The following TRAPPC13 variants were observed in gnomAD, a reference collection of about 807,000 sequenced individuals.
TRAPPC13 encodes the protein REV7-interacting novel NHEJ regulator 1.
TRAPPC13 carries 39 observed loss-of-function variants against 54.0 expected under a neutral mutation model. The ratio of observed to expected loss-of-function variants is 0.72; its 90% CI spans 0.56 to 0.94. The LOEUF is 0.94. Ranked by LOEUF, TRAPPC13 falls within the 40% of genes least tolerant of loss-of-function variation. The pLI, the probability that TRAPPC13 is intolerant of heterozygous loss-of-function variation, is 0.00. For synonymous variants in TRAPPC13, 148 were observed against 167.7 expected (o/e 0.88, Z 0.91); for missense variants, 386 against 488.1 (o/e 0.79, Z 1.97).
intron 1 of TRAPPC13, chr5:65,630,579 G>A: frequency 8.6e-7 from 1 of 1,158,070 alleles, no homozygotes; most frequent in Non-Finnish European, 1.1e-6. Context: ...TACAAACTGT[G>A]ATTGAATTAG....
At chr5:65,627,493 G>A (rs1755297867) in intron 1 of TRAPPC13, among the ~76,000 whole-genome samples, 1 of 152,058 alleles carries the variant, frequency 6.6e-6, no homozygotes, top group Non-Finnish European at 1.5e-5. Context: ...AGCCAGGCGT[G>A]ATGGTGTGCA....
intron 1 of TRAPPC13, among the ~76,000 whole-genome samples, chr5:65,633,806 CTA>C (rs1755637326): frequency 2.0e-5 from 3 of 151,296 alleles, no homozygotes; most frequent in African/African-American, 7.3e-5. Context: ...TAATTTTTGT[CTA>C]TTTATATTTA....
At chr5:65,662,206 A>G in intron 11 of TRAPPC13, 56 bp downstream of exon 11, 2 of 1,265,944 alleles carry the variant, frequency 1.6e-6, no homozygotes, top group Admixed American at 2.6e-5. Context: ...CTAGAAGATA[A>G]TTTTAAAATC....
At chr5:65,641,144 A>C (rs1322534289) in intron 4 of TRAPPC13, among the ~76,000 whole-genome samples, 2 of 151,976 alleles carry the variant, frequency 1.3e-5, no homozygotes, top group Non-Finnish European at 2.9e-5. Flanking sequence ...ATGTTGCTCA[A>C]GCAGGTCTTG....
chr5:65,647,126 G>A lies in TRAPPC13; in HGVS notation c.372G>A (p.Pro124=), dbSNP rs75250458. 1.3e-6 allele frequency: 2 copies of A among 1,573,268 alleles called. No homozygotes were observed. Among genetic ancestry groups the A allele is most frequent in the Admixed American group, 1.9e-5 (1 of 53,734 alleles). Residue 124 remains proline, a synonymous_variant, in exon 5 of 13, where the codon CCG becomes CCA. Transcript: ENST00000399438. ...ASNAAVAELK[P]DCCIDDVIHH... Reference sequence around the variant, plus strand: ...ATGCTGCAGTGGCTGAACTTAAACCGGATTGTTGTATTGATGATGTCATAC... The same window carrying A: ...ATGCTGCAGTGGCTGAACTTAAACCAGATTGTTGTATTGATGATGTCATAC...
At chr5:65,645,042 CA>C (rs1381173262) in intron 4 of TRAPPC13, among the ~76,000 whole-genome samples, 1 of 151,138 alleles carries the variant, frequency 6.6e-6, no homozygotes, top group African/African-American at 2.4e-5. Flanking sequence ...ACTAAAAATA[CA>C]AAAAATTAGC....
intron 2 of TRAPPC13, among the ~76,000 whole-genome samples, chr5:65,635,583 G>A (rs1211872729): frequency 6.6e-6 from 1 of 152,186 alleles, no homozygotes; most frequent in Non-Finnish European, 1.5e-5. Context: ...TCCTATGGCA[G>A]TATGAGACAG....
intron 6 of TRAPPC13, among the ~76,000 whole-genome samples, chr5:65,651,503 G>A (rs1227454536): frequency 6.6e-6 from 1 of 152,156 alleles, no homozygotes; most frequent in Admixed American, 6.5e-5. Context: ...GAAATTTAAA[G>A]GAGAGACAAT....
chr5:65,648,283 C>T (rs1478847609), intron 5 of TRAPPC13, among the ~76,000 whole-genome samples: 1 of 152,172 alleles, frequency 6.6e-6, no homozygotes, highest in African/African-American at 2.4e-5. Context: ...AGCACTACTT[C>T]CTCAAGAAGT....
chr5:65,654,653 A>G (rs921305464), intron 7 of TRAPPC13, among the ~76,000 whole-genome samples: 1 of 152,198 alleles, frequency 6.6e-6, no homozygotes, highest in African/African-American at 2.4e-5. Flanking sequence ...GTCCTTTTAC[A>G]GTTAATATTA....
At chr5:65,652,342 T>TTC (rs201769284) in intron 6 of TRAPPC13, among the ~76,000 whole-genome samples, 159 bp from the exon 7 acceptor site, 36,884 of 143,252 alleles carry the variant, frequency 0.26, 5,188 homozygotes, top group South Asian at 0.33. Flanking sequence ...TTCTTTTCTT[T>TTC]TTTTTTTTTT....
chr5:65,634,736 C>CAA (rs34033405), intron 1 of TRAPPC13, among the ~76,000 whole-genome samples: 12 of 96,274 alleles, frequency 1.2e-4, no homozygotes, highest in African/African-American at 3.4e-4. Context: ...ACTAAAAATA[C>CAA]AAAAAAAAAA....
chr5:65,662,731 T>G (rs1471893566), intron 11 of TRAPPC13: 1 of 152,170 alleles, frequency 6.6e-6, no homozygotes, highest in Non-Finnish European at 1.5e-5. Flanking sequence ...TTTGGGGTAT[T>G]TTTATAATAT....
intron 1 of TRAPPC13, chr5:65,629,830 A>C (rs562301345): frequency 1.3e-6 from 2 of 1,536,106 alleles, no homozygotes; most frequent in South Asian, 2.4e-5. Flanking sequence ...ATGCTAAGTC[A>C]CACAGTTATG....
intron 1 of TRAPPC13, chr5:65,629,902 A>T: frequency 1.3e-6 from 2 of 1,536,068 alleles, no homozygotes; most frequent in Non-Finnish European, 1.7e-6. Flanking sequence ...TAACCTGGTC[A>T]CACACACTGA....
chr5:65,642,468 A>G (rs1207327744), intron 4 of TRAPPC13, among the ~76,000 whole-genome samples: 2 of 151,876 alleles, frequency 1.3e-5, no homozygotes, highest in African/African-American at 2.4e-5. Flanking sequence ...CTTATATCCC[A>G]TATGTTTCTA....
intron 1 of TRAPPC13, chr5:65,629,529 C>T: frequency 6.8e-7 from 1 of 1,466,678 alleles, no homozygotes; most frequent in Non-Finnish European, 9.0e-7. Context: ...AACATTCTAG[C>T]TCTGAGGAGT....
intron 9 of TRAPPC13, among the ~76,000 whole-genome samples, 164 bp downstream of exon 9, chr5:65,658,665 A>G (rs908335893): frequency 2.8e-5 from 4 of 144,262 alleles, no homozygotes; most frequent in Non-Finnish European, 4.6e-5. Flanking sequence ...ACCCTCTTCC[A>G]CTCCTCACAG....
chr5:65,628,019 G>A (rs1403840173), intron 1 of TRAPPC13, among the ~76,000 whole-genome samples: 1 of 152,146 alleles, frequency 6.6e-6, no homozygotes, highest in Non-Finnish European at 1.5e-5. Flanking sequence ...GGGGAGAAGG[G>A]ATTCAACTTA....
Sources: allele counts gnomAD v4.1 joint callset (sites outside exome capture counted in the v4.1 genomes callset), GRCh38; gene constraint gnomAD v4.1.1; transcripts MANE v1.5; gene names NCBI Gene and HGNC (gene_info 2026-07-23, HGNC 2026-07-21).